Variants in WDR27 observed in about 807,000 individuals in gnomAD.
WDR27 encodes the protein WD repeat domain 27, also known as WD repeat-containing protein 27.
Under a neutral mutation model 114.4 loss-of-function variants are expected in WDR27, and 100 were observed. The observed-to-expected ratio is 0.87, with a 90% CI of 0.74 to 1.03. The LOEUF (loss-of-function observed/expected upper bound fraction) is 1.03. Among genes scored for constraint, WDR27 ranks in the 50% least tolerant of loss-of-function variants. The pLI is 0.00. For missense variants in WDR27, 1,129 were observed against 1,092.9 expected (o/e 1.03, Z -0.47); for synonymous variants, 449 against 423.1 (o/e 1.06, Z -0.75).
the WDR27 span, among the ~76,000 whole-genome samples, chr6:169,447,164 T>C: frequency 1.3e-5 from 2 of 152,256 alleles, no homozygotes; most frequent in Admixed American, 6.5e-5. Context: ...GGATTCATAT[T>C]ATAGCACTAA....
chr6:169,687,871 C>T (rs951549374), intron 2 of WDR27, among the ~76,000 whole-genome samples: 1 of 152,148 alleles, frequency 6.6e-6, no homozygotes, highest in African/African-American at 2.4e-5. Context: ...TGAACCAGCA[C>T]AGTTCAAACC....
At chr6:169,679,246 C>T (rs542879860) in intron 2 of WDR27, among the ~76,000 whole-genome samples, 1 of 152,330 alleles carries the variant, frequency 6.6e-6, no homozygotes, top group East Asian at 1.9e-4. Flanking sequence ...GGCACACGTT[C>T]TCAGGACCTC....
chr6:169,473,180 T>C (rs1786658655), intron 25 of WDR27, among the ~76,000 whole-genome samples: 1 of 152,188 alleles, frequency 6.6e-6, no homozygotes, highest in Non-Finnish European at 1.5e-5. Context: ...TGAATACACT[T>C]TGAATTTGGC....
intron 21 of WDR27, among the ~76,000 whole-genome samples, chr6:169,622,227 T>C (rs1813535383): frequency 6.6e-6 from 1 of 152,224 alleles, no homozygotes; most frequent in South Asian, 2.1e-4. Flanking sequence ...GTATGTTGAC[T>C]GATGTCTCAT....
At chr6:169,485,080 C>T (rs1296041323) in intron 25 of WDR27, among the ~76,000 whole-genome samples, 1 of 152,132 alleles carries the variant, frequency 6.6e-6, no homozygotes, top group Non-Finnish European at 1.5e-5. Flanking sequence ...GGAATATAAC[C>T]TAGGCAACAC....
Position 169,597,877 on chromosome 6 carries a change from T to TACACACACACACACAC in WDR27, c.2424+4326_2424+4341dup, listed in dbSNP as rs67336814. Among the ~76,000 whole-genome samples the TACACACACACACACAC allele has an allele frequency of 1.1e-4, 15 of 142,290 alleles. 1 individual carries two copies. In the East Asian group the frequency reaches 1.5e-3, roughly 14 times the overall value. The allele number at this position is 142,290 out of a possible 152,430, so 93.3% of individuals were successfully genotyped here. A position where few individuals can be genotyped will look rare whatever the true frequency, so the allele number is the denominator to read the frequency against. On this transcript the variant is annotated intron_variant, in intron 23 of 25. Transcript: ENST00000448612. ...GCACAACTTCACCTCTTACCATTCATACACACACACACACACACACACACA... is the reference window on the plus strand; with the variant it reads ...GCACAACTTCACCTCTTACCATTCATACACACACACACACACACACACACACACACACACACACACA...
At chr6:169,537,336 G>A (rs577200276) in intron 25 of WDR27, among the ~76,000 whole-genome samples, 1 of 152,316 alleles carries the variant, frequency 6.6e-6, no homozygotes, top group Non-Finnish European at 1.5e-5. Flanking sequence ...AGGGTGATGT[G>A]ATAGGGAATG....
chr6:169,562,708 G>A (rs978995233), intron 25 of WDR27, among the ~76,000 whole-genome samples: 3 of 152,222 alleles, frequency 2.0e-5, no homozygotes, highest in African/African-American at 7.2e-5. Flanking sequence ...TGAGACCAGT[G>A]GGAGCTGGAC....
intron 1 of WDR27, among the ~76,000 whole-genome samples, chr6:169,692,458 G>C (rs1223484104): frequency 6.6e-6 from 1 of 152,208 alleles, no homozygotes; most frequent in African/African-American, 2.4e-5. Flanking sequence ...GGCAAGACCT[G>C]AAAGCCAGCC....
rs1200241380 is a variant in WDR27 at position 169,659,177 on chromosome 6, C to T, written c.1228G>A (p.Gly410Arg). The change falls in exon 12 of 26, where the codon GGG (glycine) becomes AGG (arginine). Residue 410 changes from glycine to arginine, a missense_variant. Transcript: ENST00000448612. The surrounding 1 kb of genome is among the most constrained non-coding windows in gnomAD (Gnocchi z 4.3). ...VLCLLASLFG[G>R]KIAVLEINPA... The stretch of plus-strand genomic sequence containing the variant: ...TTGATCTCCAACACGGCAATCTTCC[C>T]GCCAAAGAGGGAGGCCAGCAAGCAC... The T allele has an allele frequency of 1.2e-5, 20 of 1,610,728 alleles. No individual in the cohort carries two copies. Among genetic ancestry groups the T allele is most frequent in the East Asian group, 4.5e-5 (2 of 44,836 alleles).
chr6:169,666,466 A>C, intron 6 of WDR27: 1 of 985,474 alleles, frequency 1.0e-6, no homozygotes, highest in Non-Finnish European at 1.2e-6. Context: ...TTCTTCTGGG[A>C]AGACAGAACG....
chr6:169,443,638 A>T, the WDR27 span, among the ~76,000 whole-genome samples: 1 of 152,194 alleles, frequency 6.6e-6, no homozygotes, highest in Admixed American at 6.5e-5. Context: ...AGGGACCTGG[A>T]TGACACACAT....
At chr6:169,593,959 ATCTCTATCCATTTATTTCTTCT>A (rs1806281321) in intron 23 of WDR27, among the ~76,000 whole-genome samples, 1 of 152,202 alleles carries the variant, frequency 6.6e-6, no homozygotes, top group Admixed American at 6.5e-5. Flanking sequence ...ACCTGCTTTT[ATCTCTATCCATTTATTTCTTCT>A]GATTTACTTT....
chr6:169,541,683 C>T (rs75400687), intron 25 of WDR27, among the ~76,000 whole-genome samples: 5,089 of 152,194 alleles, frequency 0.033, 122 homozygotes, highest in Non-Finnish European at 0.056. Flanking sequence ...CTGATGGTCC[C>T]GGTAACCCCT....
At chr6:169,650,070 T>TGTCCACCC (rs1279742429) in intron 14 of WDR27, among the ~76,000 whole-genome samples, 1 of 128,264 alleles carries the variant, frequency 7.8e-6, no homozygotes. Context: ...CACCTCCATC[T>TGTCCACCC]ACTCATCCAT....
chr6:169,665,436 C>T lies in WDR27; in HGVS notation c.783+50G>A, dbSNP rs773014400. 5 of 1,580,954 alleles carry T rather than the reference C, an allele frequency of 3.2e-6. No homozygotes were observed. The East Asian group carries it at 9.0e-5, about 28-fold the overall frequency. On this transcript the variant is annotated intron_variant, in intron 7 of 25. Coordinates refer to ENST00000448612, the MANE Select transcript of WDR27 (RefSeq NM_182552.5). ...AGACAAAGACCTTTGTGTACAAGCT[C>T]ACGTTCAGGCATGTCTGGGAACTGG...
At chr6:169,617,041 G>A (rs548234305) in intron 21 of WDR27, among the ~76,000 whole-genome samples, 2 of 152,254 alleles carry the variant, frequency 1.3e-5, no homozygotes, top group Non-Finnish European at 2.9e-5. Flanking sequence ...AGAGGCTAAC[G>A]CTAGGCTCAA....
chr6:169,658,424 GACA>G, intron 12 of WDR27, 66 bp from the exon 13 acceptor site: 1 of 1,215,934 alleles, frequency 8.2e-7, no homozygotes, highest in Non-Finnish European at 1.2e-6. Context: ...ATGCCTCAGT[GACA>G]CACACTTTAA....
intron 1 of WDR27, among the ~76,000 whole-genome samples, chr6:169,691,786 AT>A: frequency 6.6e-6 from 1 of 152,358 alleles, no homozygotes; most frequent in South Asian, 2.1e-4. Flanking sequence ...GCAGGTTTCT[AT>A]ATATGAGTAC....
Sources: allele counts gnomAD v4.1 joint callset (sites outside exome capture counted in the v4.1 genomes callset), GRCh38; gene constraint gnomAD v4.1.1; non-coding constraint Gnocchi (gnomAD v3.1); transcripts MANE v1.5; gene names NCBI Gene and HGNC (gene_info 2026-07-23, HGNC 2026-07-21).